The following FGF13 variants were observed in gnomAD, a reference collection of about 807,000 sequenced individuals.
FGF13 encodes fibroblast growth factor homologous factor 2.
Under a neutral mutation model 19.5 loss-of-function variants are expected in FGF13, and 2 were observed. That is an observed-to-expected ratio of 0.10 (90% confidence interval 0.04 to 0.32). The LOEUF (loss-of-function observed/expected upper bound fraction) is 0.32. FGF13 is among the 10% of genes least tolerant of loss of function. The pLI is 1.00. For synonymous variants in FGF13, 72 were observed against 76.9 expected, an observed-to-expected ratio of 0.94 and a Z score of 0.33; for missense variants, 113 against 192.7, an observed-to-expected ratio of 0.59 and a Z score of 2.45.
chrX:139,060,661 G>GT (rs954556026), intron 1 of FGF13, among the ~76,000 whole-genome samples: 5 of 111,745 alleles, frequency 4.5e-5, no homozygotes, highest in African/African-American at 1.3e-4. Flanking sequence ...ATATATGCAA[G>GT]TTTTTTCTTT....
intron 2 of FGF13, among the ~76,000 whole-genome samples, chrX:138,859,923 C>A (rs1230896912): frequency 1.8e-5 from 2 of 111,651 alleles, no homozygotes; most frequent in Non-Finnish European, 3.8e-5. Flanking sequence ...GTCATCAGAA[C>A]AGTAACCATA....
rs187184386 is a variant in FGF13, at chrX:138,628,594, T to A, written c.*4256A>T. 1 of 112,303 alleles carries A rather than the reference T, an allele frequency of 8.9e-6. No individual in the cohort carries two copies. Among genetic ancestry groups the A allele is most frequent in the Non-Finnish European group, 1.9e-5 (1 of 53,267 alleles). 9.3% of individuals were successfully genotyped at this position (112,303 alleles called of 1,213,427 possible). A position where few individuals can be genotyped will look rare whatever the true frequency, so the allele number is the denominator to read the frequency against. ...GCTTCTAAGACACATTCGTATGAAA[T>A]TTGTTGAAAATGGTTATCAGTTCTG... is the stretch of plus-strand genomic sequence containing the variant. On this transcript the variant is annotated 3_prime_UTR_variant, in exon 5 of 5. Coordinates refer to ENST00000315930, the MANE Select transcript of FGF13 (RefSeq NM_004114.5).
rs372658642 is a variant in FGF13 at position 139,022,626 on chromosome X, T to C, written c.-112-157976A>G. Among the ~76,000 whole-genome samples, 8 of 111,060 alleles carry C rather than the reference T, an allele frequency of 7.2e-5. No homozygotes were observed. The East Asian group carries it at 2.3e-3, about 32-fold the overall frequency. On this transcript the variant is annotated intron_variant, in intron 1 of 2. Coordinates refer to the FGF13 transcript ENST00000421460. ...ACTTTGTAGAGCAAGTGAAATATAT[T>C]CAACCACATTCGACCACCAGAAGCA...
At chrX:138,892,788 A>T (rs2091484285) in intron 1 of FGF13, among the ~76,000 whole-genome samples, 1 of 110,128 alleles carries the variant, frequency 9.1e-6, no homozygotes, top group Non-Finnish European at 1.9e-5. Flanking sequence ...TGGGTTCTAG[A>T]GAACCTAGTT....
At chrX:138,642,043 T>C (rs2089256405) in intron 3 of FGF13, among the ~76,000 whole-genome samples, 1 of 111,075 alleles carries the variant, frequency 9.0e-6, no homozygotes, top group Non-Finnish European at 1.9e-5. Context: ...CATTTTCCAA[T>C]GAATAGAGGA....
chrX:139,001,650 C>T (rs986375649), intron 1 of FGF13, among the ~76,000 whole-genome samples: 5 of 112,006 alleles, frequency 4.5e-5, no homozygotes, highest in Non-Finnish European at 9.4e-5. Flanking sequence ...TACCATCTCA[C>T]ACCAGTTAGA....
chrX:139,151,081 T>C (rs1220328145), intron 1 of FGF13, among the ~76,000 whole-genome samples: 1 of 107,768 alleles, frequency 9.3e-6, no homozygotes, highest in African/African-American at 3.6e-5. Context: ...AGGGTTGAAG[T>C]TGGTTCTTTG....
chrX:138,711,639 C>T lies in FGF13; in HGVS notation c.-636G>A. The T allele has an allele frequency of 4.0e-6, 3 of 754,799 alleles. No individual in the cohort carries two copies. Among genetic ancestry groups the T allele is most frequent in the Non-Finnish European group, 4.7e-6 (3 of 639,056 alleles). The allele number at this position is 754,799 out of a possible 1,213,427, so 62.2% of individuals were successfully genotyped here. A position where few individuals can be genotyped will look rare whatever the true frequency, so the allele number is the denominator to read the frequency against. Reference sequence around the variant, plus strand: ...AACAGGTAATGGCCTCGCATCTTCGCTGTTGCTGCTGCTCTGGGCGCGGCA... The same window carrying T: ...AACAGGTAATGGCCTCGCATCTTCGTTGTTGCTGCTGCTCTGGGCGCGGCA... On this transcript the variant is annotated 5_prime_UTR_variant, in exon 1 of 5. Transcript: ENST00000315930.
chrX:138,844,130 C>T (rs905014167), intron 3 of FGF13, among the ~76,000 whole-genome samples: 2 of 112,166 alleles, frequency 1.8e-5, no homozygotes, highest in Non-Finnish European at 3.8e-5. Context: ...AGAAAACTTG[C>T]TTTATTGGAA....
At chrX:138,734,604 C>T (rs2090258660) in intron 1 of FGF13, among the ~76,000 whole-genome samples, 1 of 111,802 alleles carries the variant, frequency 8.9e-6, no homozygotes, top group Non-Finnish European at 1.9e-5. Flanking sequence ...GGAAAGGTAT[C>T]TCAGAGGACA....
intron 3 of FGF13, among the ~76,000 whole-genome samples, chrX:138,851,253 C>T (rs777466228): frequency 9.0e-6 from 1 of 111,291 alleles, no homozygotes; most frequent in Non-Finnish European, 1.9e-5. Flanking sequence ...AAGTATACAC[C>T]CAGTAATGGG....
intron 1 of FGF13, among the ~76,000 whole-genome samples, chrX:138,911,206 G>C (rs2091585579): frequency 9.0e-6 from 1 of 111,699 alleles, no homozygotes; most frequent in South Asian, 3.8e-4. Flanking sequence ...TACTTTGCCT[G>C]AGCGCACCTC....
chrX:139,068,092 TTTC>T (rs1351896193), intron 1 of FGF13, among the ~76,000 whole-genome samples: 5 of 96,296 alleles, frequency 5.2e-5, no homozygotes, highest in African/African-American at 1.7e-4. Flanking sequence ...ATGCCTAGGT[TTTC>T]TTCTAGGGTT....
chrX:139,097,964 A>T (rs73243311), intron 1 of FGF13, among the ~76,000 whole-genome samples: 4,771 of 111,903 alleles, frequency 0.043, 114 homozygotes, highest in Non-Finnish European at 0.067. Flanking sequence ...AATACATGGG[A>T]GTTCATTTTA....
intron 3 of FGF13, among the ~76,000 whole-genome samples, chrX:138,815,778 A>T (rs2090957622): frequency 9.0e-6 from 1 of 111,029 alleles, no homozygotes; most frequent in Admixed American, 9.7e-5. Context: ...AATTTAAAAA[A>T]AAAAGAAGAA....
intron 3 of FGF13, among the ~76,000 whole-genome samples, chrX:138,784,903 A>T (rs2090680590): frequency 8.9e-6 from 1 of 112,303 alleles, no homozygotes; most frequent in Non-Finnish European, 1.9e-5. Flanking sequence ...GTATTTTAGC[A>T]GGTGAGTGTT....
In FGF13 at chrX:138,626,758, G is replaced by C. The variant is rs1188785194; in HGVS notation, c.*6092C>G. On this transcript the variant is annotated 3_prime_UTR_variant, in exon 5 of 5. Transcript: ENST00000315930. ...CACACACACGCACACAGAAACAATA[G>C]GGTAGTGTTTGTTCTGTGTATATCT... is the stretch of plus-strand genomic sequence containing the variant. The C allele has an allele frequency of 9.0e-6, 1 of 111,494 alleles. No individual in the cohort carries two copies. The highest frequency in any genetic ancestry group is 3.3e-5 in the African/African-American group (1 of 30,659). 9.2% of individuals were successfully genotyped at this position (111,494 alleles called of 1,213,427 possible). A position where few individuals can be genotyped will look rare whatever the true frequency, so the allele number is the denominator to read the frequency against.
chrX:138,806,175 A>T lies in FGF13; in HGVS notation c.217+51337T>A, dbSNP rs926395033. Reference sequence around the variant, plus strand: ...GGTTTATTCTCCTTTTAAAATTCATATTTTTTCTGCTATATAACTTACCTA... The same window carrying T: ...GGTTTATTCTCCTTTTAAAATTCATTTTTTTTCTGCTATATAACTTACCTA... On this transcript the variant is annotated intron_variant, in intron 3 of 6. Transcript: ENST00000436198. Among the ~76,000 whole-genome samples, 8 of 111,745 alleles carry T rather than the reference A, an allele frequency of 7.2e-5. No individual in the cohort carries two copies. In the South Asian group the frequency reaches 2.2e-3, roughly 31 times the overall value.
intron 1 of FGF13, among the ~76,000 whole-genome samples, chrX:138,883,159 C>T (rs1346695039): frequency 8.9e-6 from 1 of 112,334 alleles, no homozygotes; most frequent in East Asian, 2.8e-4. Flanking sequence ...GCACTCATTT[C>T]ACTGCAACTT....
Sources: gnomAD v4.1 joint callset for allele counts (sites outside exome capture counted in the v4.1 genomes callset) on GRCh38, gnomAD v4.1.1 for gene constraint, MANE v1.5 for transcripts, NCBI Gene and HGNC (gene_info 2026-07-23, HGNC 2026-07-21) for gene names.